Variants in GRK3 observed in about 807,000 individuals in gnomAD.
GRK3 encodes G protein-coupled receptor kinase 3.
GRK3 carries 54 observed loss-of-function variants against 95.7 expected under a neutral mutation model. The ratio of observed to expected loss-of-function variants is 0.56; its 90% CI spans 0.45 to 0.71. GRK3 has a LOEUF of 0.71. Ranked by LOEUF, GRK3 falls within the 30% of genes least tolerant of loss-of-function variation. The pLI is 0.00. For synonymous variants in GRK3, 281 were observed against 290.8 expected, an observed-to-expected ratio of 0.97 and a Z score of 0.34; for missense variants, 649 against 851.2, an observed-to-expected ratio of 0.76 and a Z score of 2.96.
chr22:25,586,519 T>G (rs1237431692), intron 1 of GRK3, among the ~76,000 whole-genome samples: 3 of 152,248 alleles, frequency 2.0e-5, no homozygotes, highest in African/African-American at 4.8e-5. Flanking sequence ...TGTTAAAAGA[T>G]AAATTAAAAA....
chr22:25,646,665 GAC>G (rs1233527476), intron 3 of GRK3, among the ~76,000 whole-genome samples: 1 of 152,138 alleles, frequency 6.6e-6, no homozygotes, highest in African/African-American at 2.4e-5. Context: ...GCAGTGGGAA[GAC>G]ACAATACTTT....
chr22:25,611,987 C>T (rs2084501303), intron 2 of GRK3, among the ~76,000 whole-genome samples: 1 of 151,936 alleles, frequency 6.6e-6, no homozygotes, highest in African/African-American at 2.4e-5. Flanking sequence ...AGCACACCAC[C>T]ACACCCAGCT....
At chr22:25,573,873 C>T (rs1235696400) in intron 1 of GRK3, among the ~76,000 whole-genome samples, 1 of 151,700 alleles carries the variant, frequency 6.6e-6, no homozygotes, top group Non-Finnish European at 1.5e-5. Flanking sequence ...CACTCCAGTC[C>T]GTGTGGCAAG....
At position 25,727,368 on chromosome 22, in the gene GRK3, G is replaced by T. The variant is rs1382328522; in HGVS notation, c.*4918G>T. The stretch of plus-strand genomic sequence containing the variant: ...AAATGGTACTCCTTGGCTTCCTCAA[G>T]TCACAATGAACTTTATATTTTCTTT... On this transcript the variant is annotated 3_prime_UTR_variant, in exon 21 of 21. Coordinates refer to ENST00000324198, the MANE Select transcript of GRK3 (RefSeq NM_005160.4). 1 of 152,014 alleles carries T rather than the reference G, an allele frequency of 6.6e-6. No homozygotes were observed. The highest frequency in any genetic ancestry group is 1.9e-4 in the East Asian group (1 of 5,192). The allele number at this position is 152,014 out of a possible 1,614,324, so 9.4% of individuals were successfully genotyped here.
intron 1 of GRK3, among the ~76,000 whole-genome samples, chr22:25,567,255 C>T (rs979568651): frequency 1.3e-5 from 2 of 152,180 alleles, no homozygotes; most frequent in African/African-American, 4.8e-5. Flanking sequence ...TTGGAACCTC[C>T]TCCTGAGATT....
intron 13 of GRK3, among the ~76,000 whole-genome samples, chr22:25,702,018 A>G (rs1289938656): frequency 6.6e-6 from 1 of 152,104 alleles, no homozygotes; most frequent in Non-Finnish European, 1.5e-5. Context: ...AGGCAAAAAG[A>G]ATATTTCCAA....
chr22:25,664,442 A>T (rs780536481), intron 5 of GRK3, among the ~76,000 whole-genome samples: 3 of 152,170 alleles, frequency 2.0e-5, no homozygotes, highest in Non-Finnish European at 2.9e-5. Flanking sequence ...TAATGGTTTT[A>T]ATAAGTGAAA....
rs2085429741 is a variant in GRK3, at chr22:25,721,190, C to T, written c.1792-94C>T. 3 of 600,298 alleles carry T rather than the reference C, an allele frequency of 5.0e-6. No homozygotes were observed. The Admixed American group carries it at 1.1e-4, about 22-fold the overall frequency. 37.2% of individuals were successfully genotyped at this position (600,298 alleles called of 1,614,324 possible). The stretch of plus-strand genomic sequence containing the variant: ...AAAGAAAGAAAACCGAATGTGTTTT[C>T]TTTTTTTACTTGTTCTAACTTGGTA... On this transcript the variant is annotated intron_variant, in intron 19 of 20. Coordinates refer to ENST00000324198, the MANE Select transcript of GRK3 (RefSeq NM_005160.4).
At chr22:25,627,500 T>C (rs1377045223) in intron 2 of GRK3, among the ~76,000 whole-genome samples, 6 of 152,206 alleles carry the variant, frequency 3.9e-5, no homozygotes, top group Non-Finnish European at 7.3e-5. Context: ...TCATTCTTTC[T>C]CCTGACTCTA....
rs1027912365 is a variant in GRK3, at chr22:25,704,165, G to A, written c.1284G>A (p.Leu428=). ...AACTGAAGTCCCTTTTGGAGGGCTTGCTTCAGCGAGACGTTAGCAAGCGGC... is the reference window on the plus strand; with the variant it reads ...AACTGAAGTCCCTTTTGGAGGGCTTACTTCAGCGAGACGTTAGCAAGCGGC... The part of the protein sequence containing the change: ...SPELKSLLEG[L]LQRDVSKRLG... Residue 428 remains leucine (L), a synonymous_variant, in exon 15 of 21, where the codon TTG becomes TTA. Coordinates refer to ENST00000324198, the MANE Select transcript of GRK3 (RefSeq NM_005160.4). The A allele has an allele frequency of 1.2e-6, 2 of 1,613,652 alleles. No homozygotes were observed. The highest frequency in any genetic ancestry group is 1.7e-6 in the Non-Finnish European group (2 of 1,179,830).
chr22:25,667,864 C>T (rs1016167757), intron 6 of GRK3, 64 bp downstream of exon 6: 8 of 916,078 alleles, frequency 8.7e-6, no homozygotes, highest in African/African-American at 4.9e-5. Flanking sequence ...CATCTTATGC[C>T]GTAAATGCTG....
rs1427621347 is a variant in GRK3 at position 25,728,714 on chromosome 22, C to T, written c.*6264C>T. 6.6e-6 allele frequency: 1 copy of T among 152,146 alleles called. No individual in the cohort carries two copies. Among genetic ancestry groups the T allele is most frequent in the Non-Finnish European group, 1.5e-5 (1 of 68,026 alleles). 9.4% of individuals were successfully genotyped at this position (152,146 alleles called of 1,614,324 possible). A position where few individuals can be genotyped will look rare whatever the true frequency, so the allele number is the denominator to read the frequency against. ...GTAGCACATTTGAGTGTGACTTTTT[C>T]CCCCCTTCACTATTTCAAAATGGTT... On this transcript the variant is annotated 3_prime_UTR_variant, in exon 21 of 21. Coordinates refer to ENST00000324198, the MANE Select transcript of GRK3 (RefSeq NM_005160.4).
At chr22:25,685,797 G>C (rs575317587) in intron 10 of GRK3, among the ~76,000 whole-genome samples, 1 of 151,588 alleles carries the variant, frequency 6.6e-6, no homozygotes, top group South Asian at 2.1e-4. Context: ...AAGGTGTCAT[G>C]GTATATATCT....
intron 7 of GRK3, among the ~76,000 whole-genome samples, chr22:25,674,020 A>C (rs2085006314): frequency 6.6e-6 from 1 of 152,042 alleles, no homozygotes; most frequent in Non-Finnish European, 1.5e-5. Context: ...CTCATTTTTC[A>C]ACTCTGACAG....
intron 2 of GRK3, among the ~76,000 whole-genome samples, chr22:25,634,759 G>A (rs1040354063): frequency 6.6e-6 from 1 of 152,084 alleles, no homozygotes; most frequent in African/African-American, 2.4e-5. Context: ...ATAAATATTT[G>A]AAAAGCTAAT....
intron 2 of GRK3, among the ~76,000 whole-genome samples, chr22:25,605,183 G>A (rs532116014): frequency 2.0e-5 from 3 of 152,288 alleles, no homozygotes; most frequent in South Asian, 2.1e-4. Flanking sequence ...CTTTGATCAC[G>A]CATGAAGTAC....
intron 1 of GRK3, among the ~76,000 whole-genome samples, chr22:25,587,138 G>A (rs1319469617): frequency 3.3e-5 from 5 of 152,136 alleles, no homozygotes; most frequent in Non-Finnish European, 7.3e-5. Flanking sequence ...TGATCCCCCT[G>A]CCTCAGCCTC....
At chr22:25,625,072 A>C (rs933661908) in intron 2 of GRK3, among the ~76,000 whole-genome samples, 2 of 151,970 alleles carry the variant, frequency 1.3e-5, no homozygotes, top group Non-Finnish European at 2.9e-5. Flanking sequence ...GCCTGCCACC[A>C]CGCCTGTCTA....
intron 2 of GRK3, among the ~76,000 whole-genome samples, chr22:25,632,158 T>C (rs1358111636): frequency 6.6e-6 from 1 of 152,240 alleles, no homozygotes; most frequent in Non-Finnish European, 1.5e-5. Flanking sequence ...ATTGCATTCC[T>C]ACTAGCAGTC....
Sources: gnomAD v4.1 joint callset for allele counts (sites outside exome capture counted in the v4.1 genomes callset) on GRCh38, gnomAD v4.1.1 for gene constraint, MANE v1.5 for transcripts, NCBI Gene and HGNC (gene_info 2026-07-23, HGNC 2026-07-21) for gene names.